Variants in ANXA8 observed in about 807,000 individuals in gnomAD.
ANXA8 encodes VAC-beta.
Under a neutral mutation model 26.8 loss-of-function variants are expected in ANXA8, and 9 were observed. The observed-to-expected ratio is 0.34, with a 90% CI of 0.20 to 0.59. The LOEUF is 0.59. Ranked by LOEUF, ANXA8 falls within the 20% of genes least tolerant of loss-of-function variation. The pLI, the probability that ANXA8 is intolerant of heterozygous loss-of-function variation, is 0.84. For missense variants in ANXA8, 83 were observed against 238.5 expected (o/e 0.35, Z 4.29); for synonymous variants, 39 against 94.8 (o/e 0.41, Z 3.42).
the ANXA8 span, chr10:47,564,780 A>G: frequency 1.2e-6 from 1 of 804,424 alleles, no homozygotes; most frequent in Non-Finnish European, 2.1e-6. Context: ...GGCTCGCAGG[A>G]AGACGTCCTG....
the ANXA8 span, among the ~76,000 whole-genome samples, chr10:47,553,046 T>C: frequency 6.6e-6 from 1 of 151,742 alleles, no homozygotes; most frequent in Middle Eastern, 3.2e-3. Flanking sequence ...TGGCCGGGAG[T>C]TAGGAGAGCT....
the ANXA8 span, among the ~76,000 whole-genome samples, chr10:47,497,158 C>T: frequency 0.25 from 34,155 of 134,774 alleles, 4,831 homozygotes; most frequent in East Asian, 0.5. Flanking sequence ...CCATACCTAC[C>T]AAAAATACAA....
At chr10:47,973,815 C>G in the ANXA8 span, among the ~76,000 whole-genome samples, 2 of 151,084 alleles carry the variant, frequency 1.3e-5, no homozygotes, top group South Asian at 4.2e-4. Flanking sequence ...AAAAGCAGAA[C>G]CTAAAGAGGT....
At chr10:47,733,209 CTT>C in the ANXA8 span, among the ~76,000 whole-genome samples, 1,128 of 62,760 alleles carry the variant, frequency 0.018, 10 homozygotes, top group African/African-American at 0.042. Flanking sequence ...TTCTTTCTTT[CTT>C]TCTTTCTTTC....
the ANXA8 span, among the ~76,000 whole-genome samples, chr10:47,971,045 G>A: frequency 6.6e-6 from 1 of 151,432 alleles, no homozygotes; most frequent in Non-Finnish European, 1.5e-5. Context: ...TGTGATATCA[G>A]CCAAGTTACT....
the ANXA8 span, among the ~76,000 whole-genome samples, chr10:47,541,357 A>G: frequency 7.0e-6 from 1 of 141,918 alleles, no homozygotes; most frequent in African/African-American, 2.6e-5. Flanking sequence ...AAACAAAAAC[A>G]AAGAAACCAC....
At chr10:47,694,996 T>A in the ANXA8 span, among the ~76,000 whole-genome samples, 2 of 151,766 alleles carry the variant, frequency 1.3e-5, no homozygotes, top group Non-Finnish European at 2.9e-5. Context: ...ACCCATCCCC[T>A]CCATGCACCA....
At chr10:47,525,609 G>A in the ANXA8 span, among the ~76,000 whole-genome samples, 1 of 137,194 alleles carries the variant, frequency 7.3e-6, no homozygotes, top group Non-Finnish European at 1.6e-5. Context: ...AAAGGTAGAA[G>A]TCAAGCTTGG....
At chr10:47,898,849 GGTCTCGCTCT>G in the ANXA8 span, among the ~76,000 whole-genome samples, 1 of 94,596 alleles carries the variant, frequency 1.1e-5, no homozygotes, top group South Asian at 3.9e-4. Context: ...TTTTAGATGT[GGTCTCGCTCT>G]GTCTCCCAGG....
At chr10:47,647,205 ACT>A in the ANXA8 span, among the ~76,000 whole-genome samples, 1 of 152,134 alleles carries the variant, frequency 6.6e-6, no homozygotes, top group Admixed American at 6.5e-5. Context: ...TTTTTGAAAA[ACT>A]CAATTTGTAT....
chr10:47,585,203 G>A, the ANXA8 span, among the ~76,000 whole-genome samples: 3 of 112,382 alleles, frequency 2.7e-5, no homozygotes, highest in Non-Finnish European at 5.0e-5. Flanking sequence ...GGCAGAGGTT[G>A]CAGTGAACCG....
chr10:47,957,575 GTAT>G, the ANXA8 span, among the ~76,000 whole-genome samples: 1 of 149,782 alleles, frequency 6.7e-6, no homozygotes. Context: ...AAGAAGATTT[GTAT>G]TATTTTCTTA....
the ANXA8 span, among the ~76,000 whole-genome samples, chr10:47,654,051 G>T: frequency 6.6e-6 from 1 of 151,982 alleles, no homozygotes; most frequent in East Asian, 1.9e-4. Context: ...ACATGTACAG[G>T]TTAGATAGTG....
the ANXA8 span, among the ~76,000 whole-genome samples, chr10:47,724,571 C>T: frequency 7.0e-6 from 1 of 141,986 alleles, no homozygotes; most frequent in African/African-American, 2.5e-5. Context: ...GCTGCTCTAT[C>T]AGAGAGGCCT....
chr10:47,721,167 C>T, the ANXA8 span, among the ~76,000 whole-genome samples: 6 of 141,252 alleles, frequency 4.2e-5, 1 homozygote, highest in African/African-American at 7.7e-5. Flanking sequence ...ACAAAAAATG[C>T]ATGGTATGTA....
the ANXA8 span, among the ~76,000 whole-genome samples, chr10:47,709,598 A>G: frequency 7.0e-6 from 1 of 143,554 alleles, no homozygotes; most frequent in Non-Finnish European, 1.5e-5. Flanking sequence ...AAAATATTAC[A>G]ATGTAGCACA....
chr10:47,894,452 ACAC>A, the ANXA8 span, among the ~76,000 whole-genome samples: 1 of 145,488 alleles, frequency 6.9e-6, no homozygotes, highest in African/African-American at 2.6e-5. Context: ...CACCACACAC[ACAC>A]CACACACATG....
chr10:47,682,652 G>A, the ANXA8 span, among the ~76,000 whole-genome samples: 1 of 151,438 alleles, frequency 6.6e-6, no homozygotes, highest in Non-Finnish European at 1.5e-5. Flanking sequence ...TGTGTTTTTA[G>A]TAGAGACGGG....
At chr10:47,515,719 G>A in the ANXA8 span, among the ~76,000 whole-genome samples, 1 of 140,760 alleles carries the variant, frequency 7.1e-6, no homozygotes, top group African/African-American at 2.6e-5. Flanking sequence ...TCCTTTCCAG[G>A]CCTGCTTTTA....
Sources: allele counts gnomAD v4.1 joint callset (sites outside exome capture counted in the v4.1 genomes callset), GRCh38; gene constraint gnomAD v4.1.1; transcripts MANE v1.5; gene names NCBI Gene and HGNC (gene_info 2026-07-23, HGNC 2026-07-21).